Variants in COL5A2 observed in about 807,000 individuals in gnomAD.
COL5A2 encodes collagen alpha-2(V) chain.
In COL5A2, 23 loss-of-function variants were observed where a neutral mutation model predicts 208.2. The ratio of observed to expected loss-of-function variants is 0.11; its 90% CI spans 0.08 to 0.16. The LOEUF is 0.16. Among genes scored for constraint, COL5A2 ranks in the 10% least tolerant of loss-of-function variants. The pLI, the probability that COL5A2 is intolerant of heterozygous loss-of-function variation, is 1.00. For missense variants in COL5A2, 1,590 were observed against 1,956.4 expected (o/e 0.81, Z 3.53); for synonymous variants, 625 against 628.5 (o/e 0.99, Z 0.08).
chr2:189,104,142 T>G (rs1687105067), intron 3 of COL5A2, 122 bp downstream of exon 3: 3 of 757,434 alleles, frequency 4.0e-6, no homozygotes, highest in Non-Finnish European at 7.2e-6. Flanking sequence ...CTTGTCACAA[T>G]GTATTTGTAT....
the COL5A2 span, among the ~76,000 whole-genome samples, chr2:189,436,872 G>A: frequency 1.3e-5 from 2 of 152,182 alleles, no homozygotes; most frequent in African/African-American, 4.8e-5. Flanking sequence ...AGTGGAGGGA[G>A]AGCATCAGGA....
the COL5A2 span, among the ~76,000 whole-genome samples, chr2:189,329,181 C>A: frequency 2.0e-5 from 3 of 152,122 alleles, no homozygotes; most frequent in Non-Finnish European, 2.9e-5. Flanking sequence ...CAACAACATG[C>A]ATGAACCTGG....
At chr2:189,284,522 T>C in the COL5A2 span, among the ~76,000 whole-genome samples, 1 of 151,926 alleles carries the variant, frequency 6.6e-6, no homozygotes, top group Non-Finnish European at 1.5e-5. Flanking sequence ...CAACCAGATC[T>C]CATGAGAACT....
chr2:189,179,746 C>A lies in COL5A2; in HGVS notation c.-142G>T. ...TGCAAACCCCCTTTTTCAGCACCAG[C>A]TCCAGCACAGTCTGCGAAAACTTTT... is the stretch of plus-strand genomic sequence containing the variant. On this transcript the variant is annotated 5_prime_UTR_variant, in exon 1 of 54. Transcript: ENST00000374866. The A allele has an allele frequency of 1.4e-6, 2 of 1,442,910 alleles. No individual in the cohort carries two copies. The highest frequency in any genetic ancestry group is 2.5e-5 in the South Asian group (2 of 79,456). 89.4% of individuals were successfully genotyped at this position (1,442,910 alleles called of 1,614,324 possible). A position where few individuals can be genotyped will look rare whatever the true frequency, so the allele number is the denominator to read the frequency against.
At chr2:189,182,451 T>C (rs943028716), upstream of COL5A2, among the ~76,000 whole-genome samples, 2 of 152,152 alleles carry the variant, frequency 1.3e-5, no homozygotes, top group Non-Finnish European at 2.9e-5. Context: ...GATGTCTGAC[T>C]CCAGAGTGAA....
the COL5A2 span, among the ~76,000 whole-genome samples, chr2:189,368,454 A>G: frequency 1.3e-5 from 2 of 152,216 alleles, no homozygotes; most frequent in Non-Finnish European, 1.5e-5. Context: ...GGGGGAAAAA[A>G]AAACACTAGA....
chr2:189,137,271 T>C (rs1421659212), intron 1 of COL5A2, among the ~76,000 whole-genome samples: 4 of 152,230 alleles, frequency 2.6e-5, no homozygotes, highest in Non-Finnish European at 4.4e-5. Context: ...AATGAAGTCC[T>C]ACTCTTACAT....
rs770595369 is a variant in COL5A2 at position 189,053,493 on chromosome 2, G to C, written c.2500-16C>G. 1.2e-6 allele frequency: 2 copies of C among 1,610,558 alleles called. No individual in the cohort carries two copies. The highest frequency in any genetic ancestry group is 1.7e-4 in the Middle Eastern group (1 of 6,048). On this transcript the variant is annotated splice_polypyrimidine_tract_variant and intron_variant, in intron 37 of 53. Coordinates refer to ENST00000374866, the MANE Select transcript of COL5A2 (RefSeq NM_000393.5). The stretch of plus-strand genomic sequence containing the variant: ...CTCGAGAACCCTAGGAGGAGACAAA[G>C]ATTACTGTAGCTTTCACACATTATC...
chr2:189,404,274 T>A, the COL5A2 span, among the ~76,000 whole-genome samples: 1 of 152,162 alleles, frequency 6.6e-6, no homozygotes, highest in Admixed American at 6.5e-5. Context: ...CCCTCACCAA[T>A]GTGGGTAGCC....
chr2:189,326,079 A>G, the COL5A2 span, among the ~76,000 whole-genome samples: 8 of 145,138 alleles, frequency 5.5e-5, no homozygotes, highest in African/African-American at 2.0e-4. Flanking sequence ...CCTGAGTGAC[A>G]GAGCAAGACC....
At chr2:189,254,676 C>G in the COL5A2 span, among the ~76,000 whole-genome samples, 1 of 152,226 alleles carries the variant, frequency 6.6e-6, no homozygotes, top group Admixed American at 6.5e-5. Flanking sequence ...TGGCATACAA[C>G]ATTCACCCTG....
At chr2:189,309,948 T>C in the COL5A2 span, among the ~76,000 whole-genome samples, 1 of 152,326 alleles carries the variant, frequency 6.6e-6, no homozygotes, top group African/African-American at 2.4e-5. Flanking sequence ...CCCATGTTGA[T>C]GCAAGGTGAC....
In COL5A2 at chr2:189,057,403, G is replaced by A. The variant is rs372270389; in HGVS notation, c.2254C>T (p.Pro752Ser). 34 of 1,613,574 alleles carry A rather than the reference G, an allele frequency of 2.1e-5. No homozygotes were observed. The highest frequency in any genetic ancestry group is 2.8e-5 in the Non-Finnish European group (33 of 1,179,912). ...PKGSPGPSGT[P>S]GDTGPPGLQG... The stretch of plus-strand genomic sequence containing the variant: ...AGACCTGGTGGGCCTGTATCTCCAG[G>A]GGTCCCAGATGGACCTGGACTGCCC... Residue 752 changes from proline to serine, a missense_variant, in exon 34 of 54, where the codon CCT becomes TCT. Transcript: ENST00000374866.
chr2:189,123,255 C>T (rs572689764), intron 1 of COL5A2, among the ~76,000 whole-genome samples: 84 of 152,224 alleles, frequency 5.5e-4, no homozygotes, highest in African/African-American at 1.8e-3. Flanking sequence ...TGAGCCACTG[C>T]GCCAGGCCTA....
intron 7 of COL5A2, among the ~76,000 whole-genome samples, chr2:189,091,955 T>A (rs974059533): frequency 6.6e-6 from 1 of 152,154 alleles, no homozygotes; most frequent in African/African-American, 2.4e-5. Context: ...ACGGAGCAGA[T>A]TTTTTTGGCA....
chr2:189,042,948 G>A lies in COL5A2; in HGVS notation c.3472-175C>T, dbSNP rs146529742. ...TAAAGACACCTGTAGGAGTAACAGT[G>A]CATATAGCTTTTGCTTTATTTCTTC... is the stretch of plus-strand genomic sequence containing the variant. On this transcript the variant is annotated intron_variant, in intron 48 of 53. Transcript: ENST00000374866. Among the ~76,000 whole-genome samples the A allele has an allele frequency of 7.9e-5, 12 of 152,256 alleles. No homozygotes were observed. In the East Asian group the frequency reaches 1.7e-3, roughly 22 times the overall value.
the COL5A2 span, among the ~76,000 whole-genome samples, chr2:189,432,382 C>G: frequency 6.6e-6 from 1 of 152,214 alleles, no homozygotes; most frequent in Admixed American, 6.5e-5. Flanking sequence ...AAGACACGGA[C>G]TGGCAAATTG....
the COL5A2 span, among the ~76,000 whole-genome samples, chr2:189,389,097 A>G: frequency 8.5e-5 from 13 of 152,096 alleles, no homozygotes; most frequent in Non-Finnish European, 1.5e-5. Context: ...TTGATAGCCA[A>G]TTTTATTTTT....
intron 1 of COL5A2, among the ~76,000 whole-genome samples, chr2:189,126,397 G>T (rs1261334064): frequency 1.3e-5 from 2 of 151,848 alleles, no homozygotes; most frequent in African/African-American, 2.4e-5. Context: ...ATTACCAAAA[G>T]AAATTATTTC....
Sources: allele counts gnomAD v4.1 joint callset (sites outside exome capture counted in the v4.1 genomes callset), GRCh38; gene constraint gnomAD v4.1.1; transcripts MANE v1.5; gene names NCBI Gene and HGNC (gene_info 2026-07-23, HGNC 2026-07-21).